KIF21A: variants seen among roughly 807,000 people sequenced by gnomAD.
KIF21A encodes the protein kinesin-like protein KIF21A.
A neutral mutation model predicts 202.9 loss-of-function variants in KIF21A; 114 were observed. That is an observed-to-expected ratio of 0.56 (90% confidence interval 0.48 to 0.66). The LOEUF is 0.66. KIF21A is among the 30% of genes least tolerant of loss of function. KIF21A has a pLI of 0.00. For synonymous variants in KIF21A, 667 were observed against 670.8 expected (o/e 0.99, Z 0.09); for missense variants, 1,677 against 1,994.9 (o/e 0.84, Z 3.04).
chr12:39,433,282 G>A (rs1386131583), intron 1 of KIF21A, among the ~76,000 whole-genome samples: 3 of 151,990 alleles, frequency 2.0e-5, no homozygotes, highest in Admixed American at 2.0e-4. Flanking sequence ...GTTCTAAAAT[G>A]CCTTCAGGCA....
At position 39,332,384 on chromosome 12, in the gene KIF21A, G is replaced by C. The variant is rs142292357; in HGVS notation, c.2881C>G (p.Arg961Gly). 3 of 1,613,428 alleles carry C rather than the reference G, an allele frequency of 1.9e-6. No individual in the cohort carries two copies. The highest frequency in any genetic ancestry group is 2.5e-6 in the Non-Finnish European group (3 of 1,179,818). ...LKQREELTKR[R>G]EKLSKRREKI... ...TCCCTTCTTTTTGAAAGTTTCTCTC[G>C]TCTTTTTGTGAGTTCCTCCCGTTGC... The change falls in exon 21 of 38, where the codon CGA becomes GGA. Residue 961 changes from arginine to glycine, a missense_variant. By Grantham distance (125) the Arg-to-Gly change is moderately radical. Transcript: ENST00000361418.
intron 32 of KIF21A, among the ~76,000 whole-genome samples, 182 bp from the exon 33 acceptor site, chr12:39,309,948 T>A (rs552106710): frequency 4.3e-4 from 66 of 152,228 alleles, no homozygotes; most frequent in African/African-American, 1.5e-3. Context: ...AGACAAGGTA[T>A]GTGTAAAGGA....
chr12:39,322,962 G>C lies in KIF21A; in HGVS notation c.3457-80C>G, dbSNP rs76703811. 674 of 1,065,098 alleles carry C rather than the reference G, an allele frequency of 6.3e-4. 9 individuals carry two copies. In the East Asian group the frequency reaches 0.016, roughly 25 times the overall value. The allele number at this position is 1,065,098 out of a possible 1,614,324, so 66.0% of individuals were successfully genotyped here. On this transcript the variant is annotated intron_variant, in intron 26 of 37. Coordinates refer to ENST00000361418, the MANE Select transcript of KIF21A (RefSeq NM_001173464.2). Reference sequence around the variant, plus strand: ...GATTAGAGAACAGAGATTTATATGAGTTTGAAATAGGTAAAACATTTAGCG... The same window carrying C: ...GATTAGAGAACAGAGATTTATATGACTTTGAAATAGGTAAAACATTTAGCG...
At chr12:39,436,171 A>T (rs1041939981) in intron 1 of KIF21A, among the ~76,000 whole-genome samples, 2 of 152,020 alleles carry the variant, frequency 1.3e-5, no homozygotes, top group Admixed American at 6.6e-5. Flanking sequence ...AGGGATTAAA[A>T]TTGTAGGTTA....
rs141166615 is a variant in KIF21A at position 39,391,416 on chromosome 12, T to C, written c.45-21155A>G. Among the ~76,000 whole-genome samples, 1,196 of 152,114 alleles carry C rather than the reference T, an allele frequency of 7.9e-3. 9 individuals carry two copies. The highest frequency in any genetic ancestry group is 0.012 in the Non-Finnish European group (804 of 67,996). Reference sequence around the variant, plus strand: ...CTCCCTATGCATCCTGAACTAAATTTAGTGGTGTATACAGAGGAGGTTTAA... The same window carrying C: ...CTCCCTATGCATCCTGAACTAAATTCAGTGGTGTATACAGAGGAGGTTTAA... On this transcript the variant is annotated intron_variant, in intron 1 of 37. Coordinates refer to ENST00000361418, the MANE Select transcript of KIF21A (RefSeq NM_001173464.2).
chr12:39,340,295 G>C lies in KIF21A; in HGVS notation c.2180C>G (p.Ala727Gly), dbSNP rs1281244118. 6.2e-7 allele frequency: 1 copy of C among 1,612,612 alleles called. No homozygotes were observed. The highest frequency in any genetic ancestry group is 1.1e-5 in the South Asian group (1 of 90,886). ...VRSEYEKKLQAMNKELQRLQA... is the reference protein window; with the variant it reads ...VRSEYEKKLQGMNKELQRLQA... ...AAGTCTCTGCAGTTCTTTGTTCATG[G>C]CTTGGAGTTTCTTTTCATATTCAGA... is the stretch of plus-strand genomic sequence containing the variant. Residue 727 changes from alanine to glycine, a missense_variant, in exon 16 of 38, where the codon GCC (alanine) becomes GGC (glycine). Coordinates refer to ENST00000361418, the MANE Select transcript of KIF21A (RefSeq NM_001173464.2).
At chr12:39,296,533 AAGG>A (rs1942388832) in intron 37 of KIF21A, among the ~76,000 whole-genome samples, 1 of 152,222 alleles carries the variant, frequency 6.6e-6, no homozygotes, top group South Asian at 2.1e-4. Flanking sequence ...GTGGAAAAAA[AAGG>A]AGAGCACAAC....
At chr12:39,331,007 T>G in intron 22 of KIF21A, 96 bp from the exon 23 acceptor site, 1 of 1,299,226 alleles carries the variant, frequency 7.7e-7, no homozygotes, top group Non-Finnish European at 1.1e-6. Flanking sequence ...TATATGGGTT[T>G]TGACATCAGA....
chr12:39,341,088 T>C lies in KIF21A; in HGVS notation c.1928A>G (p.Tyr643Cys). Residue 643 changes from tyrosine to cysteine, a missense_variant, in exon 15 of 38, where the codon TAT (tyrosine) becomes TGT (cysteine). Transcript: ENST00000361418. ...AGTAATGTTTGCCAAGTCTGCTTGA[T>C]AATTGGCTATTTATAAAAGAAGAAA... Reference protein sequence around the residue: ...SDSESDEKANYQADLANITCE... With the variant: ...SDSESDEKANCQADLANITCE... 1 of 1,599,840 alleles carries C rather than the reference T, an allele frequency of 6.3e-7. No homozygotes were observed. Among genetic ancestry groups the C allele is most frequent in the Non-Finnish European group, 8.5e-7 (1 of 1,170,536 alleles).
intron 1 of KIF21A, among the ~76,000 whole-genome samples, chr12:39,424,124 C>A (rs922382523): frequency 2.7e-5 from 4 of 150,846 alleles, no homozygotes; most frequent in African/African-American, 9.8e-5. Flanking sequence ...CATTAACCTA[C>A]TGTAATCAAG....
In KIF21A at chr12:39,331,540, T is replaced by C. The variant is rs1946505418; in HGVS notation, c.3153+150A>G. ...TGATCTAAATATTTCTTACTCTTCC[T>C]GACTCTAAAGAAAGGTAAAAGAAAT... On this transcript the variant is annotated intron_variant, in intron 22 of 37. Coordinates refer to ENST00000361418, the MANE Select transcript of KIF21A (RefSeq NM_001173464.2). 4.6e-6 allele frequency: 3 copies of C among 646,768 alleles called. No individual in the cohort carries two copies. In the South Asian group the frequency reaches 5.1e-5, roughly 11 times the overall value. 40.1% of individuals were successfully genotyped at this position (646,768 alleles called of 1,614,324 possible). A position where few individuals can be genotyped will look rare whatever the true frequency, so the allele number is the denominator to read the frequency against.
intron 14 of KIF21A, 147 bp downstream of exon 14, chr12:39,341,358 G>T: frequency 1.4e-6 from 1 of 738,216 alleles, no homozygotes; most frequent in Non-Finnish European, 2.2e-6. Flanking sequence ...CATTTGTTTA[G>T]CACATAAGCC....
chr12:39,322,914 G>T, intron 26 of KIF21A, 32 bp from the exon 27 acceptor site: 1 of 1,414,960 alleles, frequency 7.1e-7, no homozygotes. Flanking sequence ...AAGCAATCAG[G>T]AGCAAACTCT....
chr12:39,386,781 A>C (rs1361250127), intron 1 of KIF21A, among the ~76,000 whole-genome samples: 1 of 152,118 alleles, frequency 6.6e-6, no homozygotes, highest in Non-Finnish European at 1.5e-5. Flanking sequence ...CTTGAAATCT[A>C]AGTTGACTTT....
intron 7 of KIF21A, among the ~76,000 whole-genome samples, chr12:39,359,976 A>G (rs1188716749): frequency 6.6e-6 from 1 of 152,200 alleles, no homozygotes; most frequent in African/African-American, 2.4e-5. Flanking sequence ...CTGTATGGTC[A>G]TGCACAATAT....
At chr12:39,399,579 A>G (rs1952012080) in intron 1 of KIF21A, among the ~76,000 whole-genome samples, 1 of 152,240 alleles carries the variant, frequency 6.6e-6, no homozygotes, top group Non-Finnish European at 1.5e-5. Flanking sequence ...TTATATAAAC[A>G]TGAGACATAT....
chr12:39,400,806 A>C (rs1361220622), intron 1 of KIF21A, among the ~76,000 whole-genome samples: 1 of 152,186 alleles, frequency 6.6e-6, no homozygotes. Flanking sequence ...ACCAAAACAA[A>C]AAAGAGACAT....
intron 37 of KIF21A, among the ~76,000 whole-genome samples, chr12:39,297,579 G>A (rs1395987406): frequency 1.6e-5 from 2 of 128,890 alleles, no homozygotes; most frequent in African/African-American, 6.0e-5. Flanking sequence ...ACACTCTGGG[G>A]ACTGTTGTGG....
chr12:39,358,103 G>A (rs142506240), intron 8 of KIF21A, 75 bp downstream of exon 8: 7 of 1,228,906 alleles, frequency 5.7e-6, no homozygotes, highest in Non-Finnish European at 8.4e-6. Flanking sequence ...ACACGTATGT[G>A]TAAGGCATTA....
Sources: allele counts gnomAD v4.1 joint callset (sites outside exome capture counted in the v4.1 genomes callset), GRCh38; gene constraint gnomAD v4.1.1; transcripts MANE v1.5; gene names NCBI Gene and HGNC (gene_info 2026-07-23, HGNC 2026-07-21).